The following MUC4 variants were observed in gnomAD, a reference collection of about 807,000 sequenced individuals.
The protein encoded by MUC4 is mucin-4.
Under a neutral mutation model 257.9 loss-of-function variants are expected in MUC4, and 202 were observed. The observed-to-expected ratio is 0.78, with a 90% CI of 0.70 to 0.88. The LOEUF (loss-of-function observed/expected upper bound fraction) is 0.88, where lower values mean the gene tolerates loss of function less well. Ranked by LOEUF, MUC4 falls within the 40% of genes least tolerant of loss-of-function variation. The pLI is 0.00. For synonymous variants in MUC4, 2,351 were observed against 2,757.1 expected (o/e 0.85, Z 4.62); for missense variants, 5,976 against 6,513.7 (o/e 0.92, Z 2.84).
At chr3:195,747,639 C>A (rs1390601496) in intron 24 of MUC4, among the ~76,000 whole-genome samples, 1 of 152,256 alleles carries the variant, frequency 6.6e-6, no homozygotes, top group African/African-American at 2.4e-5. Context: ...CTGAGGCGGG[C>A]GCATCACTTG....
In MUC4 at chr3:195,789,039, C is replaced by T; in HGVS notation, c.2541G>A (p.Leu847=). The T allele has an allele frequency of 6.2e-7, 1 of 1,613,770 alleles. No individual in the cohort carries two copies. The highest frequency in any genetic ancestry group is 1.6e-4 in the Middle Eastern group (1 of 6,062). The change falls in exon 2 of 25, where the codon TTG becomes TTA. Residue 847 remains leucine, a synonymous_variant. Transcript: ENST00000463781. The part of the protein sequence containing the change: ...DSHTTQSTTE[L]LSASASHGAI... ...CACCATGACTGGCTGAGGCGGACAG[C>T]AATTCGGTTGTTGACTGGGTTGTGT... is the stretch of plus-strand genomic sequence containing the variant.
rs532459728 is a variant in MUC4 at position 195,770,513 on chromosome 3, G to A, written c.13243-142C>T. 113 of 937,186 alleles carry A rather than the reference G, an allele frequency of 1.2e-4. No homozygotes were observed. In the African/African-American group the frequency reaches 1.5e-3, roughly 13 times the overall value. The allele number at this position is 937,186 out of a possible 1,614,324, so 58.1% of individuals were successfully genotyped here. A position where few individuals can be genotyped will look rare whatever the true frequency, so the allele number is the denominator to read the frequency against. On this transcript the variant is annotated intron_variant, in intron 5 of 24. Coordinates refer to ENST00000463781, the MANE Select transcript of MUC4 (RefSeq NM_018406.7). ...CCTGTCCCAGGCCTGCATTTTTGCC[G>A]TGAGCTTTTCTGAGGTGAAGTTCAA...
intron 1 of MUC4, among the ~76,000 whole-genome samples, chr3:195,799,258 T>TGA (rs1176383046): frequency 1.2e-4 from 11 of 93,462 alleles, no homozygotes; most frequent in Non-Finnish European, 1.8e-4. Flanking sequence ...TGTGTGTGTG[T>TGA]GTGACACTGT....
chr3:195,762,824 G>C (rs1719512725), intron 13 of MUC4, 31 bp downstream of exon 13: 1 of 1,512,586 alleles, frequency 6.6e-7, no homozygotes, highest in Admixed American at 2.0e-5. Flanking sequence ...TCCCGGTGCG[G>C]GGAGGGGGCG....
intron 10 of MUC4, 89 bp from the exon 11 acceptor site, chr3:195,764,253 AGGGCGGTGTTGGTGGAGAGCTTGGCAG>A: frequency 1.8e-6 from 2 of 1,084,206 alleles, no homozygotes; most frequent in Non-Finnish European, 2.3e-6. Context: ...TTGGCAGGGC[AGGGCGGTGTTGGTGGAGAGCTTGGCAG>A]GGCAGGGCGG....
Position 195,747,040 on chromosome 3 carries a change from C to T in MUC4, c.*136G>A. The T allele has an allele frequency of 8.1e-7, 1 of 1,228,936 alleles. No homozygotes were observed. The highest frequency in any genetic ancestry group is 1.2e-6 in the Non-Finnish European group (1 of 862,024). 76.1% of individuals were successfully genotyped at this position (1,228,936 alleles called of 1,614,324 possible). A position where few individuals can be genotyped will look rare whatever the true frequency, so the allele number is the denominator to read the frequency against. Reference sequence around the variant, plus strand: ...TAAGGTATAGTCTTGTCTTGATTCCCAGTATTCATTCTCCTTGAAGAATCC... The same window carrying T: ...TAAGGTATAGTCTTGTCTTGATTCCTAGTATTCATTCTCCTTGAAGAATCC... On this transcript the variant is annotated 3_prime_UTR_variant, in exon 25 of 25. Transcript: ENST00000463781.
chr3:195,747,088 C>A lies in MUC4; in HGVS notation c.*88G>T. 6.5e-7 allele frequency: 1 copy of A among 1,539,018 alleles called. No individual in the cohort carries two copies. Among genetic ancestry groups the A allele is most frequent in the East Asian group, 2.2e-5 (1 of 44,602 alleles). ...TCCTGACAGCCTTCAGTCACCTTCC[C>A]TTTTCCAGTCTCCCAAAAGCAATGG... On this transcript the variant is annotated 3_prime_UTR_variant, in exon 25 of 25. Coordinates refer to ENST00000463781, the MANE Select transcript of MUC4 (RefSeq NM_018406.7).
intron 10 of MUC4, 143 bp downstream of exon 10, chr3:195,764,854 T>C (rs990768998): frequency 4.1e-6 from 5 of 1,229,450 alleles, no homozygotes; most frequent in Non-Finnish European, 5.7e-6. Context: ...GGTGGGGATG[T>C]TGGAAGCTTC....
At position 195,783,879 on chromosome 3, in the gene MUC4, G is replaced by A. The variant is rs562508581; in HGVS notation, c.7701C>T (p.Ser2567=). The A allele has an allele frequency of 4.4e-5, 66 of 1,508,354 alleles. No homozygotes were observed. Among genetic ancestry groups the A allele is most frequent in the South Asian group, 2.1e-4 (17 of 82,182 alleles). The allele number at this position is 1,508,354 out of a possible 1,614,324, so 93.4% of individuals were successfully genotyped here. ...HATSLPVTDT[S]AASTGHATPL... ...GGGTGGCGTGACCTGTGGATGCTGC[G>A]GAAGTGTCGGTGACAGGAAGAGAGG... Residue 2567 remains serine (S), a synonymous_variant, in exon 2 of 25, where the codon TCC becomes TCT. Transcript: ENST00000463781.
In MUC4 at chr3:195,772,453, G is replaced by C. The variant is rs553939844; in HGVS notation, c.13078-637C>G. Reference sequence around the variant, plus strand: ...GACACCCTCCCTCCATCGCTCAGGGGTGTAGACACCCTCTCTCCATCGCTC... The same window carrying C: ...GACACCCTCCCTCCATCGCTCAGGGCTGTAGACACCCTCTCTCCATCGCTC... On this transcript the variant is annotated intron_variant, in intron 4 of 24. Coordinates refer to ENST00000463781, the MANE Select transcript of MUC4 (RefSeq NM_018406.7). Among the ~76,000 whole-genome samples, 16 of 141,744 alleles carry C rather than the reference G, an allele frequency of 1.1e-4. No individual in the cohort carries two copies. In the South Asian group the frequency reaches 3.5e-3, roughly 31 times the overall value. 93.0% of individuals were successfully genotyped at this position (141,744 alleles called of 152,430 possible).
At position 195,762,258 on chromosome 3, in the gene MUC4, G is replaced by A. The variant is rs371588818; in HGVS notation, c.14345-4C>T. 751 of 1,570,024 alleles carry A rather than the reference G, an allele frequency of 4.8e-4. No individual in the cohort carries two copies. Among genetic ancestry groups the A allele is most frequent in the South Asian group, 8.8e-4 (76 of 85,952 alleles). On this transcript the variant is annotated splice_polypyrimidine_tract_variant and splice_region_variant and intron_variant, in intron 13 of 24. Coordinates refer to ENST00000463781, the MANE Select transcript of MUC4 (RefSeq NM_018406.7). ...GTGGCGTTGAACGTCTCCTGGCCTG[G>A]AGCATCGGGAGGCAGCGGAGAGGAA...
intron 10 of MUC4, 50 bp downstream of exon 10, chr3:195,764,947 G>A (rs765075227): frequency 1.9e-5 from 30 of 1,597,550 alleles, no homozygotes; most frequent in Middle Eastern, 1.7e-4. Flanking sequence ...TCATGCTGAG[G>A]GTCCCCTACT....
intron 18 of MUC4, 147 bp downstream of exon 18, chr3:195,757,000 G>T: frequency 1.3e-6 from 1 of 789,346 alleles, no homozygotes. Context: ...TGTGGCCTGA[G>T]ACTGGAATCT....
intron 1 of MUC4, among the ~76,000 whole-genome samples, chr3:195,802,937 C>T (rs1735531601): frequency 6.6e-6 from 1 of 152,230 alleles, no homozygotes; most frequent in East Asian, 1.9e-4. Flanking sequence ...ATAGACTTCA[C>T]GCCCCTCCCT....
intron 1 of MUC4, among the ~76,000 whole-genome samples, chr3:195,798,361 C>G (rs1439287903): frequency 3.9e-5 from 6 of 152,144 alleles, no homozygotes; most frequent in African/African-American, 7.2e-5. Flanking sequence ...AACCCATAAT[C>G]TTGCTACCAG....
Position 195,789,608 on chromosome 3 carries a change from T to C in MUC4, c.1972A>G (p.Met658Val), listed in dbSNP as rs774323139. The C allele has an allele frequency of 2.0e-5, 32 of 1,613,692 alleles. No homozygotes were observed. The highest frequency in any genetic ancestry group is 2.7e-5 in the Non-Finnish European group (32 of 1,179,842). Residue 658 changes from methionine to valine, a missense_variant, in exon 2 of 25, where the codon ATG becomes GTG. Around this residue, in one of 44 missense-constraint regions of MUC4, gnomAD observed 1,583 missense variants for 1,257.4 expected, o/e 1.26. Transcript: ENST00000463781. ...ESQTTRSVSP[M>V]TDTKTVTTPG... ...GTGGTGACTGTCTTGGTGTCAGTCA[T>C]GGGGGAGACGGACCTCGTGGTTTGT...
chr3:195,759,693 G>T (rs1718376019), intron 16 of MUC4, among the ~76,000 whole-genome samples: 1 of 152,208 alleles, frequency 6.6e-6, no homozygotes, highest in Non-Finnish European at 1.5e-5. Context: ...GCCGAGGCCG[G>T]TGGATAACCT....
chr3:195,762,781 C>T, intron 13 of MUC4, 74 bp downstream of exon 13: 1 of 1,382,240 alleles, frequency 7.2e-7, no homozygotes, highest in Non-Finnish European at 9.9e-7. Context: ...CCCGGCCCTG[C>T]ACCGCAACGC....
At chr3:195,763,729 C>T in intron 11 of MUC4, 88 bp from the exon 12 acceptor site, 2 of 1,288,346 alleles carry the variant, frequency 1.6e-6, no homozygotes, top group South Asian at 3.3e-5. Flanking sequence ...GGCACTTGTC[C>T]AGGAGGACTC....
Sources: allele counts gnomAD v4.1 joint callset (sites outside exome capture counted in the v4.1 genomes callset), GRCh38; gene constraint gnomAD v4.1.1; regional missense constraint gnomAD v4.1.1; transcripts MANE v1.5; gene names NCBI Gene and HGNC (gene_info 2026-07-23, HGNC 2026-07-21).